TTLL7: variants seen among roughly 807,000 people sequenced by gnomAD.
The protein encoded by TTLL7 is tubulin tyrosine ligase like 7.
In TTLL7, 53 loss-of-function variants were observed where a neutral mutation model predicts 120.2. The ratio of observed to expected loss-of-function variants is 0.44; its 90% CI spans 0.35 to 0.55. The LOEUF (loss-of-function observed/expected upper bound fraction) is 0.55, where lower values mean the gene tolerates loss of function less well. Among genes scored for constraint, TTLL7 ranks in the 20% least tolerant of loss-of-function variants. The pLI is 0.00. For synonymous variants in TTLL7, 353 were observed against 351.7 expected (o/e 1.00, Z -0.04); for missense variants, 803 against 1,054.7 (o/e 0.76, Z 3.31).
intron 18 of TTLL7, among the ~76,000 whole-genome samples, chr1:83,902,939 C>T (rs1477713579): frequency 6.6e-6 from 1 of 152,000 alleles, no homozygotes; most frequent in South Asian, 2.1e-4. Flanking sequence ...CCTAGCTAAG[C>T]ACCCATTAGC....
intron 1 of TTLL7, among the ~76,000 whole-genome samples, chr1:83,965,837 C>G (rs1650411209): frequency 1.3e-5 from 2 of 152,034 alleles, no homozygotes; most frequent in Non-Finnish European, 2.9e-5. Context: ...TGCACATCCC[C>G]AAAGATCTAG....
chr1:83,935,537 GTT>G (rs35567530), intron 8 of TTLL7, among the ~76,000 whole-genome samples: 1 of 149,486 alleles, frequency 6.7e-6, no homozygotes, highest in Non-Finnish European at 1.5e-5. Context: ...AGTAAGGATA[GTT>G]TTTTTTTTAA....
intron 15 of TTLL7, among the ~76,000 whole-genome samples, chr1:83,909,683 T>C (rs1657517601): frequency 1.3e-5 from 2 of 152,160 alleles, no homozygotes; most frequent in Admixed American, 6.6e-5. Flanking sequence ...AAAATCTGTA[T>C]ATTTTAGTGC....
chr1:83,867,198 C>T lies in TTLL7; in HGVS notation c.*2764G>A, dbSNP rs993387307. ...TATGAATAAAAATTTATAATAAAAA[C>T]TTGGGAATATTTTATACCTCTAAAT... On this transcript the variant is annotated 3_prime_UTR_variant, in exon 21 of 21. Coordinates refer to ENST00000260505, the MANE Select transcript of TTLL7 (RefSeq NM_024686.6). 28 of 151,944 alleles carry T rather than the reference C, an allele frequency of 1.8e-4. No individual in the cohort carries two copies. The highest frequency in any genetic ancestry group is 6.0e-4 in the African/African-American group (25 of 41,428). The allele number at this position is 151,944 out of a possible 1,614,324, so 9.4% of individuals were successfully genotyped here.
intron 20 of TTLL7, among the ~76,000 whole-genome samples, chr1:83,876,067 C>T (rs1443142171): frequency 6.6e-6 from 1 of 151,944 alleles, no homozygotes; most frequent in East Asian, 1.9e-4. Context: ...CATCTACATA[C>T]TAATTTCATC....
chr1:83,970,520 G>A (rs372429827), intron 1 of TTLL7, among the ~76,000 whole-genome samples: 39 of 152,026 alleles, frequency 2.6e-4, no homozygotes, highest in African/African-American at 8.9e-4. Flanking sequence ...GGAAGCAGTT[G>A]GTTTTTCAAG....
At position 83,911,271 on chromosome 1, in the gene TTLL7, T is replaced by C; in HGVS notation, c.1680A>G (p.Ser560=). The C allele has an allele frequency of 6.2e-7, 1 of 1,613,692 alleles. No homozygotes were observed. The highest frequency in any genetic ancestry group is 2.2e-5 in the East Asian group (1 of 44,832). The change falls in exon 15 of 21, where the codon TCA becomes TCG. Residue 560 remains serine (S), a synonymous_variant. Transcript: ENST00000260505. ...CTTCTTTTTCATTTTCGTCAGATTC[T>C]GAAGAGCTGCTGCTACTATCATAAC... The part of the protein sequence containing the change: ...DSSYDSSSSS[S]ESDENEKEEY...
intron 1 of TTLL7, among the ~76,000 whole-genome samples, chr1:83,977,266 A>T (rs1651574589): frequency 6.6e-6 from 1 of 152,076 alleles, no homozygotes; most frequent in African/African-American, 2.4e-5. Flanking sequence ...AAGTAATTTA[A>T]AATTAGAGTA....
intron 15 of TTLL7, among the ~76,000 whole-genome samples, chr1:83,909,301 T>C (rs1175106998): frequency 1.4e-5 from 2 of 142,376 alleles, no homozygotes; most frequent in South Asian, 2.3e-4. Flanking sequence ...CTACACATGC[T>C]AGAAATTCAG....
chr1:83,942,390 T>C (rs1459381592), intron 7 of TTLL7, 73 bp downstream of exon 7: 6 of 1,245,940 alleles, frequency 4.8e-6, no homozygotes, highest in South Asian at 1.3e-5. Flanking sequence ...ACAATCTATA[T>C]GCCTAATGGA....
At position 83,865,110 on chromosome 1, in the gene TTLL7, C is replaced by T. The variant is rs1331874652; in HGVS notation, c.*4852G>A. Reference sequence around the variant, plus strand: ...ACCATACAGATATCACATGCTGGAGCATGACAATGCAACGCTAATTGCACA... The same window carrying T: ...ACCATACAGATATCACATGCTGGAGTATGACAATGCAACGCTAATTGCACA... On this transcript the variant is annotated 3_prime_UTR_variant, in exon 21 of 21. Transcript: ENST00000260505. 3 of 151,898 alleles carry T rather than the reference C, an allele frequency of 2.0e-5. No individual in the cohort carries two copies. Among genetic ancestry groups the T allele is most frequent in the African/African-American group, 7.2e-5 (3 of 41,382 alleles). 9.4% of individuals were successfully genotyped at this position (151,898 alleles called of 1,614,324 possible).
chr1:83,896,910 C>T (rs1049221774), intron 18 of TTLL7, among the ~76,000 whole-genome samples: 2 of 152,050 alleles, frequency 1.3e-5, no homozygotes, highest in African/African-American at 4.8e-5. Flanking sequence ...ATATTCCTCA[C>T]AAACTATATA....
At chr1:83,910,902 A>C (rs1657622840) in intron 15 of TTLL7, among the ~76,000 whole-genome samples, 1 of 152,146 alleles carries the variant, frequency 6.6e-6, no homozygotes, top group South Asian at 2.1e-4. Flanking sequence ...ATTTTACAAA[A>C]CCCAGGCAAA....
intron 18 of TTLL7, among the ~76,000 whole-genome samples, chr1:83,897,852 G>A (rs372655816): frequency 7.2e-6 from 1 of 138,066 alleles, no homozygotes; most frequent in African/African-American, 2.7e-5. Context: ...TATCTTCCTT[G>A]GGTGTTTTCC....
At chr1:83,944,231 A>G (rs1373026640) in intron 6 of TTLL7, among the ~76,000 whole-genome samples, 1 of 152,208 alleles carries the variant, frequency 6.6e-6, no homozygotes, top group Non-Finnish European at 1.5e-5. Flanking sequence ...AAAAAAATCC[A>G]AAGAATATTT....
At chr1:83,971,004 G>A (rs1410604789) in intron 1 of TTLL7, among the ~76,000 whole-genome samples, 2 of 151,950 alleles carry the variant, frequency 1.3e-5, no homozygotes, top group African/African-American at 2.4e-5. Flanking sequence ...CTTCTGGGAG[G>A]GGGAAGGGAA....
At chr1:83,975,160 T>G (rs1202766116) in intron 1 of TTLL7, among the ~76,000 whole-genome samples, 2 of 152,132 alleles carry the variant, frequency 1.3e-5, no homozygotes, top group South Asian at 2.1e-4. Context: ...ATATCTACCA[T>G]GTTACATACA....
At chr1:83,972,962 G>A (rs1404182408) in intron 1 of TTLL7, among the ~76,000 whole-genome samples, 1 of 151,870 alleles carries the variant, frequency 6.6e-6, no homozygotes, top group South Asian at 2.1e-4. Flanking sequence ...TGTATATTCT[G>A]GATAATAGTC....
chr1:83,977,614 T>C (rs1571367375), intron 1 of TTLL7, among the ~76,000 whole-genome samples: 1 of 152,154 alleles, frequency 6.6e-6, no homozygotes, highest in South Asian at 2.1e-4. Context: ...AGAGACAGGC[T>C]GCAGCATCCA....
Sources: gnomAD v4.1 joint callset for allele counts (sites outside exome capture counted in the v4.1 genomes callset) on GRCh38, gnomAD v4.1.1 for gene constraint, MANE v1.5 for transcripts, NCBI Gene and HGNC (gene_info 2026-07-23, HGNC 2026-07-21) for gene names.